Variants in KCNK3 observed in about 807,000 individuals in gnomAD.
KCNK3 encodes the protein potassium two pore domain channel subfamily K member 3.
Under a neutral mutation model 27.3 loss-of-function variants are expected in KCNK3, and 9 were observed. The observed-to-expected ratio is 0.33, with a 90% CI of 0.20 to 0.57. The LOEUF (loss-of-function observed/expected upper bound fraction) is 0.57. Ranked by LOEUF, KCNK3 falls within the 20% of genes least tolerant of loss-of-function variation. KCNK3 has a pLI of 0.87. For synonymous variants in KCNK3, 278 were observed against 273.8 expected, an observed-to-expected ratio of 1.02 and a Z score of -0.15; for missense variants, 391 against 577.7, an observed-to-expected ratio of 0.68 and a Z score of 3.31.
Position 26,693,155 on chromosome 2 carries a change from A to G in KCNK3, c.280A>G (p.Ile94Val), listed in dbSNP as rs1670190876. 1.1e-6 allele frequency: 1 copy of G among 920,806 alleles called. No individual in the cohort carries two copies. The highest frequency in any genetic ancestry group is 1.5e-6 in the Non-Finnish European group (1 of 645,534). 57.0% of individuals were successfully genotyped at this position (920,806 alleles called of 1,614,324 possible). A position where few individuals can be genotyped will look rare whatever the true frequency, so the allele number is the denominator to read the frequency against. ...FYFAITVITT[I>V]GYGHAAPSTD... ...CTTCGCCATCACCGTCATCACCACC[A>G]TCGGTAACGGCTCGCCGGGCGGGGG... The change falls in exon 1 of 2, where the codon ATC becomes GTC. Residue 94 changes from isoleucine to valine, a missense_variant. By Grantham distance (29) the Ile-to-Val change is conservative. Coordinates refer to ENST00000302909, the MANE Select transcript of KCNK3 (RefSeq NM_002246.3). The surrounding 1 kb of genome is among the most constrained non-coding windows in gnomAD (Gnocchi z 5.5).
chr2:26,724,227 G>A (rs971127372), intron 1 of KCNK3, among the ~76,000 whole-genome samples: 2 of 152,220 alleles, frequency 1.3e-5, no homozygotes, highest in African/African-American at 4.8e-5. Context: ...CAATGGGGTG[G>A]GGGGCACCCT....
Position 26,693,630 on chromosome 2 carries a change from C to T in KCNK3, c.283+472C>T, listed in dbSNP as rs1169312167. On this transcript the variant is annotated intron_variant, in intron 1 of 1. Transcript: ENST00000302909. The surrounding 1 kb of genome is among the most constrained non-coding windows in gnomAD (Gnocchi z 5.5). Reference sequence around the variant, plus strand: ...ATGAGGATGTCGGAATGCGGCACTTCGGGGCACTTGGGGCCACCCTATAAC... The same window carrying T: ...ATGAGGATGTCGGAATGCGGCACTTTGGGGCACTTGGGGCCACCCTATAAC... Among the ~76,000 whole-genome samples the T allele has an allele frequency of 6.6e-6, 1 of 152,172 alleles. No homozygotes were observed. Among genetic ancestry groups the T allele is most frequent in the Non-Finnish European group, 1.5e-5 (1 of 68,024 alleles).
chr2:26,694,808 A>T (rs917812338), intron 1 of KCNK3, among the ~76,000 whole-genome samples: 2 of 152,068 alleles, frequency 1.3e-5, no homozygotes, highest in Non-Finnish European at 2.9e-5. Context: ...ATCAGACTGA[A>T]CATCTTTGGA....
Position 26,694,334 on chromosome 2 carries a change from C to A in KCNK3, c.283+1176C>A, listed in dbSNP as rs116974028. Among the ~76,000 whole-genome samples the A allele has an allele frequency of 7.4e-4, 113 of 152,314 alleles. 2 individuals are homozygous for A. In the East Asian group the frequency reaches 0.015, roughly 20 times the overall value. ...TCCTCTGTCTTTACTGTTCCCTCTCCTCTCCCTAGTCCCCTTCCCTGCCTT... is the reference window on the plus strand; with the variant it reads ...TCCTCTGTCTTTACTGTTCCCTCTCATCTCCCTAGTCCCCTTCCCTGCCTT... On this transcript the variant is annotated intron_variant, in intron 1 of 1. Coordinates refer to ENST00000302909, the MANE Select transcript of KCNK3 (RefSeq NM_002246.3).
chr2:26,728,360 CCATGATCATCCCG>C lies in KCNK3; in HGVS notation c.979_991del (p.Met327GlyfsTer58). 6.2e-7 allele frequency: 1 copy of C among 1,607,512 alleles called. No homozygotes were observed. On this transcript the variant is annotated frameshift_variant, in exon 2 of 2. Transcript: ENST00000302909. LOFTEE classifies it high-confidence loss of function. ...CGCGAGAAGCTGCAGTACTCCATCC[CCATGATCATCCCG>C]CGGGACCTCTCCACGTCCGACACGT... is the stretch of plus-strand genomic sequence containing the variant.
At chr2:26,695,325 G>A (rs919330104) in intron 1 of KCNK3, among the ~76,000 whole-genome samples, 5 of 152,090 alleles carry the variant, frequency 3.3e-5, no homozygotes, top group Non-Finnish European at 7.4e-5. Context: ...GGCCTCAAGC[G>A]ATCCTCTCAC....
At position 26,728,163 on chromosome 2, in the gene KCNK3, C is replaced by T. The variant is rs1267344410; in HGVS notation, c.780C>T (p.His260=). ...AGGACGAGAAGCGCGACGCCGAGCA[C>T]CGCGCGCTGCTCACGCGCAACGGGC... ...NAEDEKRDAE[H]RALLTRNGQA... The change falls in exon 2 of 2, where the codon CAC becomes CAT. Residue 260 remains histidine, a synonymous_variant. Transcript: ENST00000302909. 3 of 1,576,698 alleles carry T rather than the reference C, an allele frequency of 1.9e-6. No individual in the cohort carries two copies. Among genetic ancestry groups the T allele is most frequent in the Admixed American group, 1.8e-5 (1 of 54,338 alleles).
At chr2:26,727,192 T>G (rs148566421) in intron 1 of KCNK3, among the ~76,000 whole-genome samples, 217 of 152,104 alleles carry the variant, frequency 1.4e-3, no homozygotes, top group African/African-American at 5.1e-3. Context: ...CACCTCACCT[T>G]GTAGTCAAGG....
chr2:26,707,463 G>A (rs112890731), intron 1 of KCNK3, among the ~76,000 whole-genome samples: 70 of 152,346 alleles, frequency 4.6e-4, no homozygotes, highest in African/African-American at 1.4e-3. Context: ...CCAGGGTACC[G>A]GGAGCTGTGT....
intron 1 of KCNK3, among the ~76,000 whole-genome samples, chr2:26,718,628 A>C (rs939231718): frequency 2.7e-5 from 4 of 146,294 alleles, no homozygotes; most frequent in Non-Finnish European, 6.1e-5. Flanking sequence ...TTTTTTTTTG[A>C]AACAGGGTCT....
rs1486594436 is a variant in KCNK3 at position 26,697,979 on chromosome 2, T to C, written c.283+4821T>C. On this transcript the variant is annotated intron_variant, in intron 1 of 1. Transcript: ENST00000302909. The stretch of plus-strand genomic sequence containing the variant: ...GTCCTAAAATAAGAGAAGGAGACAT[T>C]AGCAATCTTCCAAACACCCAGAGAG... Among the ~76,000 whole-genome samples, 3 of 152,086 alleles carry C rather than the reference T, an allele frequency of 2.0e-5. No individual in the cohort carries two copies. The East Asian group carries it at 5.8e-4, about 29-fold the overall frequency.
At chr2:26,705,978 G>A (rs765165672) in intron 1 of KCNK3, among the ~76,000 whole-genome samples, 4 of 152,150 alleles carry the variant, frequency 2.6e-5, no homozygotes, top group South Asian at 2.1e-4. Context: ...CCCTGCCCAC[G>A]GGAGTTAATT....
In KCNK3 at chr2:26,693,276, C is replaced by A; in HGVS notation, c.283+118C>A. 1.9e-6 allele frequency: 2 copies of A among 1,033,082 alleles called. No homozygotes were observed. Among genetic ancestry groups the A allele is most frequent in the Non-Finnish European group, 2.6e-6 (2 of 760,634 alleles). 64.0% of individuals were successfully genotyped at this position (1,033,082 alleles called of 1,614,324 possible). A position where few individuals can be genotyped will look rare whatever the true frequency, so the allele number is the denominator to read the frequency against. ...CCCCCGAGAGGGGCTGGGCGCCGAA[C>A]CCTGCGCTCGCAGAAACCCGAGTTC... On this transcript the variant is annotated intron_variant, in intron 1 of 1. Coordinates refer to ENST00000302909, the MANE Select transcript of KCNK3 (RefSeq NM_002246.3). The surrounding 1 kb of genome is among the most constrained non-coding windows in gnomAD (Gnocchi z 5.5).
At chr2:26,699,250 A>AAGCAAGCAAGC (rs1558594833) in intron 1 of KCNK3, among the ~76,000 whole-genome samples, 28 of 142,874 alleles carry the variant, frequency 2.0e-4, no homozygotes, top group African/African-American at 8.0e-4. Flanking sequence ...AGAAAGAAAG[A>AAGCAAGCAAGC]AAGCCAGCCA....
intron 1 of KCNK3, among the ~76,000 whole-genome samples, chr2:26,713,167 T>C (rs1389145103): frequency 1.3e-5 from 2 of 152,122 alleles, no homozygotes; most frequent in African/African-American, 4.8e-5. Context: ...GGGCAGAAGA[T>C]GCCATTCTCC....
chr2:26,700,329 T>C (rs1264014745), intron 1 of KCNK3, among the ~76,000 whole-genome samples: 1 of 152,218 alleles, frequency 6.6e-6, no homozygotes, highest in African/African-American at 2.4e-5. Flanking sequence ...TCTGTCCACA[T>C]TCTCTCATTG....
intron 1 of KCNK3, among the ~76,000 whole-genome samples, chr2:26,713,260 C>T (rs1298324198): frequency 6.6e-6 from 1 of 152,160 alleles, no homozygotes. Flanking sequence ...AGGGCAGCAG[C>T]GACTCCAGTG....
chr2:26,718,956 C>A (rs535624839), intron 1 of KCNK3, among the ~76,000 whole-genome samples: 1 of 152,170 alleles, frequency 6.6e-6, no homozygotes, highest in Non-Finnish European at 1.5e-5. Flanking sequence ...ATATAGAAAG[C>A]GTTGTCTCCT....
Position 26,728,429 on chromosome 2 carries a change from G to T in KCNK3, c.1046G>T (p.Gly349Val), listed in dbSNP as rs527873552. ...GAGCAGAGCCACTCGTCGCCGGGAGGGGGCGGCCGCTACAGCGACACGCCC... is the reference window on the plus strand; with the variant it reads ...GAGCAGAGCCACTCGTCGCCGGGAGTGGGCGGCCGCTACAGCGACACGCCC... ...CVEQSHSSPG[G>V]GGRYSDTPSR... The change falls in exon 2 of 2, where the codon GGG becomes GTG. Residue 349 changes from glycine to valine, a missense_variant. Gly to Val is a moderately radical substitution (Grantham distance 109). Transcript: ENST00000302909. 1.3e-5 allele frequency: 20 copies of T among 1,591,902 alleles called. No homozygotes were observed. In the South Asian group the frequency reaches 2.1e-4, roughly 17 times the overall value.
Sources: gnomAD v4.1 joint callset for allele counts (sites outside exome capture counted in the v4.1 genomes callset) on GRCh38, gnomAD v4.1.1 for gene constraint, Gnocchi (gnomAD v3.1) non-coding constraint, MANE v1.5 for transcripts, NCBI Gene and HGNC (gene_info 2026-07-23, HGNC 2026-07-21) for gene names.